The following CAMSAP3 variants were observed in gnomAD, a reference collection of about 807,000 sequenced individuals.
CAMSAP3 encodes calmodulin-regulated spectrin-associated protein 3.
In CAMSAP3, 34 loss-of-function variants were observed where a neutral mutation model predicts 112.5. The observed-to-expected ratio is 0.30, with a 90% confidence interval of 0.23 to 0.40. The LOEUF (loss-of-function observed/expected upper bound fraction) is 0.40. Among genes scored for constraint, CAMSAP3 ranks in the 10% least tolerant of loss-of-function variants. The pLI, the probability that CAMSAP3 is intolerant of heterozygous loss-of-function variation, is 1.00. For missense variants in CAMSAP3, 1,602 were observed against 1,770.3 expected, an observed-to-expected ratio of 0.90 and a Z score of 1.71; for synonymous variants, 868 against 799.8, an observed-to-expected ratio of 1.09 and a Z score of -1.44.
In CAMSAP3 at chr19:7,611,656, CA is replaced by C. The variant is rs202242140; in HGVS notation, c.1194-30del. 1.3e-3 allele frequency: 2,052 copies of C among 1,576,890 alleles called. 26 individuals are homozygous for C. In the African/African-American group the frequency reaches 0.024, roughly 19 times the overall value. ...GGCGGGTTGGGGCCGAGGCTGGTCC[CA>C]GGGGCTGACCCCTCCCTCCGGCCGC... On this transcript the variant is annotated intron_variant, in intron 10 of 16. Coordinates refer to ENST00000160298, the MANE Select transcript of CAMSAP3 (RefSeq NM_020902.2). This position sits in a 1 kb window ranked among gnomAD's most constrained non-coding sequence, Gnocchi z 6.9.
chr19:7,612,791 C>G lies in CAMSAP3; in HGVS notation c.2298C>G (p.Thr766=). 3 of 1,533,842 alleles carry G rather than the reference C, an allele frequency of 2.0e-6. No individual in the cohort carries two copies. Among genetic ancestry groups the G allele is most frequent in the Non-Finnish European group, 2.6e-6 (3 of 1,146,100 alleles). ...SPSPARRVPA[T]RRSPGPGPSQ... is the part of the protein sequence containing the mutation. ...GCCCCGCCCGGCGAGTCCCGGCCAC[C>G]CGGCGCAGCCCTGGGCCCGGGCCCA... Residue 766 remains threonine, a synonymous_variant, in exon 11 of 17, where the codon ACC becomes ACG. Coordinates refer to ENST00000160298, the MANE Select transcript of CAMSAP3 (RefSeq NM_020902.2).
intron 4 of CAMSAP3, 30 bp from the exon 5 acceptor site, chr19:7,608,096 C>G (rs2030307543): frequency 6.3e-7 from 1 of 1,598,954 alleles, no homozygotes; most frequent in Non-Finnish European, 8.5e-7. Flanking sequence ...GCCAGCCTGG[C>G]CACTCACCTG....
rs752733882 is a variant in CAMSAP3, at chr19:7,615,285, G to C, written c.2773G>C (p.Glu925Gln). ...GGCGCGGCGGCGCAAGCAGTGGCAG[G>C]AGGTGGAGAAGGAACAGCGGAGGGA... ...EEARRRKQWQEVEKEQRREEA... is the reference protein window; with the variant it reads ...EEARRRKQWQQVEKEQRREEA... The change falls in exon 12 of 17, where the codon GAG (glutamate) becomes CAG (glutamine). Residue 925 changes from glutamate to glutamine, a missense_variant. Transcript: ENST00000160298. This position sits in a 1 kb window ranked among gnomAD's most constrained non-coding sequence, Gnocchi z 6.5. 3.2e-6 allele frequency: 5 copies of C among 1,549,246 alleles called. No homozygotes were observed. In the South Asian group the frequency reaches 6.0e-5, roughly 18 times the overall value.
Position 7,610,423 on chromosome 19 carries a change from G to A in CAMSAP3, c.761-53G>A, listed in dbSNP as rs901668164. 1.3e-6 allele frequency: 2 copies of A among 1,551,820 alleles called. No homozygotes were observed. The highest frequency in any genetic ancestry group is 1.7e-6 in the Non-Finnish European group (2 of 1,148,994). ...GACTGCTGGTCCCTGGCTTCCCTGGGGCCCCATCCTCCTCCTCATAGAGTT... is the reference window on the plus strand; with the variant it reads ...GACTGCTGGTCCCTGGCTTCCCTGGAGCCCCATCCTCCTCCTCATAGAGTT... On this transcript the variant is annotated intron_variant, in intron 5 of 16. Transcript: ENST00000160298. The surrounding 1 kb of genome is among the most constrained non-coding windows in gnomAD (Gnocchi z 4.9).
chr19:7,611,774 C>G lies in CAMSAP3; in HGVS notation c.1281C>G (p.Leu427=). 1 of 1,596,258 alleles carries G rather than the reference C, an allele frequency of 6.3e-7. No individual in the cohort carries two copies. Among genetic ancestry groups the G allele is most frequent in the Non-Finnish European group, 8.5e-7 (1 of 1,171,674 alleles). ...TCGTCATGGGAGACCCTGTGCTCCT[C>G]CGCTCTGTGAGCTCGGACAGCCTGG... ...VDVVMGDPVL[L]RSVSSDSLGP... The change falls in exon 11 of 17, where the codon CTC becomes CTG. Residue 427 remains leucine (L), a synonymous_variant. Coordinates refer to ENST00000160298, the MANE Select transcript of CAMSAP3 (RefSeq NM_020902.2). This position sits in a 1 kb window ranked among gnomAD's most constrained non-coding sequence, Gnocchi z 6.9.
chr19:7,602,350 T>G (rs62113379), intron 1 of CAMSAP3, among the ~76,000 whole-genome samples: 1 of 152,066 alleles, frequency 6.6e-6, no homozygotes, highest in Non-Finnish European at 1.5e-5. Context: ...AAGTGTCTGA[T>G]AAATGTCAGT....
At chr19:7,614,856 T>A in intron 11 of CAMSAP3, 3 of 447,820 alleles carry the variant, frequency 6.7e-6, no homozygotes, top group East Asian at 4.3e-5. Flanking sequence ...TTCCTGGGTG[T>A]CTCCAGGCCA....
rs746555313 is a variant in CAMSAP3 at position 7,617,892 on chromosome 19, C to T, written c.3585C>T (p.Pro1195=). 7.4e-6 allele frequency: 12 copies of T among 1,613,820 alleles called. No individual in the cohort carries two copies. Among genetic ancestry groups the T allele is most frequent in the African/African-American group, 4.0e-5 (3 of 74,928 alleles). The change falls in exon 17 of 17, where the codon CCC becomes CCT. Residue 1195 remains proline, a synonymous_variant. Transcript: ENST00000160298. This position sits in a 1 kb window ranked among gnomAD's most constrained non-coding sequence, Gnocchi z 7.5. ...GGTATGGGCCCCGGACCGTCACGCC[C>T]GCCATGGTGGAAGGCATCTACAAGT... ...LAGYGPRTVT[P]AMVEGIYKYN...
Position 7,610,393 on chromosome 19 carries a change from T to C in CAMSAP3, c.761-83T>C, listed in dbSNP as rs1054438409. 7.7e-7 allele frequency: 1 copy of C among 1,293,780 alleles called. No homozygotes were observed. The highest frequency in any genetic ancestry group is 1.1e-6 in the Non-Finnish European group (1 of 930,704). 80.1% of individuals were successfully genotyped at this position (1,293,780 alleles called of 1,614,324 possible). On this transcript the variant is annotated intron_variant, in intron 5 of 16. Transcript: ENST00000160298. This position sits in a 1 kb window ranked among gnomAD's most constrained non-coding sequence, Gnocchi z 4.9. The stretch of plus-strand genomic sequence containing the variant: ...GGGCTCATAGGAGGTCTTCCGTGTG[T>C]GGGGGACTGCTGGTCCCTGGCTTCC...
rs751537977 is a variant in CAMSAP3, at chr19:7,611,625, G to A, written c.1193+39G>A. The A allele has an allele frequency of 6.3e-7, 1 of 1,595,778 alleles. No individual in the cohort carries two copies. The highest frequency in any genetic ancestry group is 1.3e-5 in the African/African-American group (1 of 74,438). On this transcript the variant is annotated intron_variant, in intron 10 of 16. Transcript: ENST00000160298. The surrounding 1 kb of genome is among the most constrained non-coding windows in gnomAD (Gnocchi z 6.9). ...ACAGGCCAGGGTAGGGGGTGGAGCA[G>A]GCTAGGGCGGGTTGGGGCCGAGGCT...
chr19:7,616,443 TCCC>T, intron 13 of CAMSAP3, 77 bp from the exon 14 acceptor site: 4 of 1,017,884 alleles, frequency 3.9e-6, no homozygotes, highest in Non-Finnish European at 6.2e-6. Context: ...CCTCCTGTGT[TCCC>T]CCCACAGCCT....
intron 2 of CAMSAP3, 114 bp from the exon 3 acceptor site, chr19:7,606,157 C>CCCA (rs1568441660): frequency 2.0e-6 from 1 of 501,084 alleles, no homozygotes; most frequent in Non-Finnish European, 3.3e-6. Context: ...TCAAGCCCCA[C>CCCA]CCCCCCCGTC....
Position 7,610,383 on chromosome 19 carries a change from C to A in CAMSAP3, c.761-93C>A. On this transcript the variant is annotated intron_variant, in intron 5 of 16. Transcript: ENST00000160298. This position sits in a 1 kb window ranked among gnomAD's most constrained non-coding sequence, Gnocchi z 4.9. The stretch of plus-strand genomic sequence containing the variant: ...GGCAGAAGCTGGGCTCATAGGAGGT[C>A]TTCCGTGTGTGGGGGACTGCTGGTC... 8.5e-7 allele frequency: 1 copy of A among 1,180,546 alleles called. No individual in the cohort carries two copies. Among genetic ancestry groups the A allele is most frequent in the Non-Finnish European group, 1.2e-6 (1 of 836,568 alleles). 73.1% of individuals were successfully genotyped at this position (1,180,546 alleles called of 1,614,324 possible). A position where few individuals can be genotyped will look rare whatever the true frequency, so the allele number is the denominator to read the frequency against.
At chr19:7,601,429 G>A (rs2029961826) in intron 1 of CAMSAP3, among the ~76,000 whole-genome samples, 2 of 151,990 alleles carry the variant, frequency 1.3e-5, no homozygotes, top group Non-Finnish European at 2.9e-5. Context: ...AGTGATTCTC[G>A]TGCCTCAGCC....
At position 7,611,978 on chromosome 19, in the gene CAMSAP3, C is replaced by T; in HGVS notation, c.1485C>T (p.Ser495=). 3.1e-6 allele frequency: 5 copies of T among 1,612,136 alleles called. No homozygotes were observed. Among genetic ancestry groups the T allele is most frequent in the Non-Finnish European group, 4.2e-6 (5 of 1,179,758 alleles). ...CCCCTGAGGGGCCCTCCAAGCCATC[C>T]CTGGCCTCCCCCTACCTGCCCGAGG... ...LHSPEGPSKP[S]LASPYLPEGT... is the part of the protein sequence containing the mutation. The change falls in exon 11 of 17, where the codon TCC becomes TCT. Residue 495 remains serine, a synonymous_variant. Transcript: ENST00000160298. The surrounding 1 kb of genome is among the most constrained non-coding windows in gnomAD (Gnocchi z 6.9).
In CAMSAP3 at chr19:7,618,262, G is replaced by A. The variant is rs2030920157; in HGVS notation, c.*205G>A. On this transcript the variant is annotated 3_prime_UTR_variant, in exon 17 of 17. Coordinates refer to ENST00000160298, the MANE Select transcript of CAMSAP3 (RefSeq NM_020902.2). ...ACTCAGGGCTCAGCTCAGTCCCCTT[G>A]TCTGTCCTCCCCCACTTCTTGAATA... The A allele has an allele frequency of 1.7e-6, 1 of 581,666 alleles. No individual in the cohort carries two copies. The highest frequency in any genetic ancestry group is 1.9e-5 in the African/African-American group (1 of 53,742). The allele number at this position is 581,666 out of a possible 1,614,324, so 36.0% of individuals were successfully genotyped here. A position where few individuals can be genotyped will look rare whatever the true frequency, so the allele number is the denominator to read the frequency against.
Position 7,607,811 on chromosome 19 carries a change from C to G in CAMSAP3, c.622-315C>G. On this transcript the variant is annotated intron_variant, in intron 4 of 16. Transcript: ENST00000160298. This position sits in a 1 kb window ranked among gnomAD's most constrained non-coding sequence, Gnocchi z 4.9. Reference sequence around the variant, plus strand: ...CTCCCCCTTGCTGATGGCTGCTCCTCTCCCCCCAGCACGCAATTGCCTTCT... The same window carrying G: ...CTCCCCCTTGCTGATGGCTGCTCCTGTCCCCCCAGCACGCAATTGCCTTCT... 7.7e-7 allele frequency: 1 copy of G among 1,307,178 alleles called. No homozygotes were observed. The highest frequency in any genetic ancestry group is 1.0e-6 in the Non-Finnish European group (1 of 959,992). 81.0% of individuals were successfully genotyped at this position (1,307,178 alleles called of 1,614,324 possible).
At position 7,610,388 on chromosome 19, in the gene CAMSAP3, G is replaced by T. The variant is rs1001794214; in HGVS notation, c.761-88G>T. Reference sequence around the variant, plus strand: ...AAGCTGGGCTCATAGGAGGTCTTCCGTGTGTGGGGGACTGCTGGTCCCTGG... The same window carrying T: ...AAGCTGGGCTCATAGGAGGTCTTCCTTGTGTGGGGGACTGCTGGTCCCTGG... On this transcript the variant is annotated intron_variant, in intron 5 of 16. Coordinates refer to ENST00000160298, the MANE Select transcript of CAMSAP3 (RefSeq NM_020902.2). The surrounding 1 kb of genome is among the most constrained non-coding windows in gnomAD (Gnocchi z 4.9). The T allele has an allele frequency of 1.6e-6, 2 of 1,239,090 alleles. No homozygotes were observed. Among genetic ancestry groups the T allele is most frequent in the Non-Finnish European group, 2.3e-6 (2 of 886,560 alleles). The allele number at this position is 1,239,090 out of a possible 1,614,324, so 76.8% of individuals were successfully genotyped here. A position where few individuals can be genotyped will look rare whatever the true frequency, so the allele number is the denominator to read the frequency against.
chr19:7,615,373 C>G lies in CAMSAP3; in HGVS notation c.2811-45C>G. 3.9e-6 allele frequency: 6 copies of G among 1,532,872 alleles called. No individual in the cohort carries two copies. Among genetic ancestry groups the G allele is most frequent in the Non-Finnish European group, 5.3e-6 (6 of 1,137,408 alleles). 95.0% of individuals were successfully genotyped at this position (1,532,872 alleles called of 1,614,324 possible). ...CCGCTCCTTGGCCTGTCTGCCACCG[C>G]GGACCCCGTGAGCGGTTCTGATGCC... On this transcript the variant is annotated intron_variant, in intron 12 of 16. Coordinates refer to ENST00000160298, the MANE Select transcript of CAMSAP3 (RefSeq NM_020902.2). The surrounding 1 kb of genome is among the most constrained non-coding windows in gnomAD (Gnocchi z 6.5).
Sources: gnomAD v4.1 joint callset for allele counts (sites outside exome capture counted in the v4.1 genomes callset) on GRCh38, gnomAD v4.1.1 for gene constraint, Gnocchi (gnomAD v3.1) non-coding constraint, MANE v1.5 for transcripts, NCBI Gene and HGNC (gene_info 2026-07-23, HGNC 2026-07-21) for gene names.